The following MBD5 variants were observed in gnomAD, a reference collection of about 807,000 sequenced individuals.
MBD5 encodes methyl-CpG-binding domain protein 5.
Under a neutral mutation model 117.3 loss-of-function variants are expected in MBD5, and 13 were observed. The ratio of observed to expected loss-of-function variants is 0.11; its 90% CI spans 0.07 to 0.18. MBD5 has a LOEUF of 0.18. Ranked by LOEUF, MBD5 falls within the 10% of genes least tolerant of loss-of-function variation. The pLI, the probability that MBD5 is intolerant of heterozygous loss-of-function variation, is 1.00. For synonymous variants in MBD5, 727 were observed against 766.4 expected (o/e 0.95, Z 0.85); for missense variants, 1,879 against 2,093.8 (o/e 0.90, Z 2.00).
intron 4 of MBD5, among the ~76,000 whole-genome samples, chr2:148,433,209 G>C (rs115618614): frequency 0.02 from 3,032 of 152,146 alleles, 111 homozygotes; most frequent in African/African-American, 0.07. Flanking sequence ...TTTGTTCTTC[G>C]ATTTTGTATT....
chr2:148,100,477 G>A (rs528205862), intron 1 of MBD5, among the ~76,000 whole-genome samples: 1 of 152,060 alleles, frequency 6.6e-6, no homozygotes, highest in Non-Finnish European at 1.5e-5. Context: ...CTCACAGATT[G>A]TGGGTCAGAA....
rs1682276631 is a variant in MBD5 at position 148,513,502 on chromosome 2, A to G, written c.*561A>G. The G allele has an allele frequency of 6.3e-6, 1 of 158,190 alleles. No individual in the cohort carries two copies. The highest frequency in any genetic ancestry group is 1.8e-4 in the East Asian group (1 of 5,420). 9.8% of individuals were successfully genotyped at this position (158,190 alleles called of 1,614,324 possible). ...AGATGCTGTTTTTGTATTTAACAGC[A>G]GAGAAAAGGCATGATGATGTAATAT... On this transcript the variant is annotated 3_prime_UTR_variant, in exon 14 of 14. Coordinates refer to ENST00000642680, the MANE Select transcript of MBD5 (RefSeq NM_001378120.1).
At chr2:148,079,873 AACAACAACAACAAC>A (rs756181355) in intron 1 of MBD5, among the ~76,000 whole-genome samples, 7 of 116,402 alleles carry the variant, frequency 6.0e-5, no homozygotes, top group Non-Finnish European at 1.2e-4. Context: ...CAACAACAAC[AACAACAACAACAAC>A]AACAACAACA....
chr2:148,219,562 G>A (rs1466994233), intron 2 of MBD5, among the ~76,000 whole-genome samples: 2 of 152,096 alleles, frequency 1.3e-5, no homozygotes, highest in Non-Finnish European at 2.9e-5. Flanking sequence ...GAGTTGTAAG[G>A]TTAGTGTATG....
chr2:148,436,751 G>T lies in MBD5; in HGVS notation c.-556-21452G>T, dbSNP rs542359314. On this transcript the variant is annotated intron_variant, in intron 4 of 13. Coordinates refer to ENST00000642680, the MANE Select transcript of MBD5 (RefSeq NM_001378120.1). ...TCCAGTTCACAGGAGGTTCTTCAAGGTTTTCCAAATGTTGGCTACAACATT... is the reference window on the plus strand; with the variant it reads ...TCCAGTTCACAGGAGGTTCTTCAAGTTTTTCCAAATGTTGGCTACAACATT... Among the ~76,000 whole-genome samples, 3 of 152,020 alleles carry T rather than the reference G, an allele frequency of 2.0e-5. No individual in the cohort carries two copies. The East Asian group carries it at 5.8e-4, about 29-fold the overall frequency.
chr2:148,053,270 G>C (rs1203223835), intron 1 of MBD5, among the ~76,000 whole-genome samples: 1 of 151,986 alleles, frequency 6.6e-6, no homozygotes, highest in African/African-American at 2.4e-5. Flanking sequence ...ATTATATGAT[G>C]CACTTTTCTT....
At chr2:148,104,155 G>A (rs1273716953) in intron 1 of MBD5, among the ~76,000 whole-genome samples, 1 of 152,104 alleles carries the variant, frequency 6.6e-6, no homozygotes, top group Non-Finnish European at 1.5e-5. Flanking sequence ...CCCTGTGCTT[G>A]CTTCTGTCAT....
Position 148,204,056 on chromosome 2 carries a change from G to GT in MBD5, c.-831+25263_-831+25264insT, listed in dbSNP as rs1214276192. On this transcript the variant is annotated intron_variant, in intron 2 of 13. Coordinates refer to ENST00000642680, the MANE Select transcript of MBD5 (RefSeq NM_001378120.1). ...AACTTTCTTCAGGAAGAAAGAAAAG[G>GT]AGAGAGGGAAAGAATGGGAGAAAAG... 2.6e-5 allele frequency among the ~76,000 whole-genome samples: 4 copies of GT among 152,104 alleles called. No homozygotes were observed. In the East Asian group the frequency reaches 7.7e-4, roughly 29 times the overall value.
chr2:148,399,444 G>A (rs1704844400), intron 4 of MBD5, among the ~76,000 whole-genome samples: 2 of 152,004 alleles, frequency 1.3e-5, no homozygotes, highest in Non-Finnish European at 2.9e-5. Flanking sequence ...TCATGATTTG[G>A]CTCTCTGTTT....
At chr2:148,281,146 C>T (rs1701235575) in intron 3 of MBD5, among the ~76,000 whole-genome samples, 1 of 152,128 alleles carries the variant, frequency 6.6e-6, no homozygotes, top group African/African-American at 2.4e-5. Context: ...CTGGGGATAT[C>T]TTAGACATTA....
At chr2:148,413,869 A>G (rs1186679131) in intron 4 of MBD5, among the ~76,000 whole-genome samples, 2 of 141,590 alleles carry the variant, frequency 1.4e-5, no homozygotes, top group South Asian at 2.2e-4. Flanking sequence ...TTTTTTCTTT[A>G]TTAGTCTAGC....
intron 3 of MBD5, among the ~76,000 whole-genome samples, chr2:148,266,557 A>G (rs1418294424): frequency 6.6e-6 from 1 of 152,108 alleles, no homozygotes; most frequent in African/African-American, 2.4e-5. Flanking sequence ...AAGAAGAGAA[A>G]TAAAAAGATT....
intron 4 of MBD5, among the ~76,000 whole-genome samples, chr2:148,457,209 T>C (rs547570513): frequency 1.3e-5 from 2 of 152,300 alleles, no homozygotes; most frequent in East Asian, 3.9e-4. Flanking sequence ...GTTTGAAATA[T>C]AGTATTTTTT....
At chr2:148,269,485 G>A (rs1700933541) in intron 3 of MBD5, among the ~76,000 whole-genome samples, 1 of 151,598 alleles carries the variant, frequency 6.6e-6, no homozygotes, top group African/African-American at 2.4e-5. Context: ...TTTGAGAACT[G>A]CTTTCCCTAG....
intron 4 of MBD5, among the ~76,000 whole-genome samples, chr2:148,435,470 A>G (rs1380430477): frequency 6.6e-6 from 1 of 152,146 alleles, no homozygotes; most frequent in Admixed American, 6.6e-5. Flanking sequence ...TGCTTGTCTA[A>G]AAAGGATCTT....
At position 148,211,872 on chromosome 2, in the gene MBD5, A is replaced by G. The variant is rs572882514; in HGVS notation, c.-830-21373A>G. 1.4e-3 allele frequency among the ~76,000 whole-genome samples: 212 copies of G among 152,224 alleles called. 2 individuals carry two copies. Among genetic ancestry groups the G allele is most frequent in the African/African-American group, 4.9e-3 (202 of 41,548 alleles). On this transcript the variant is annotated intron_variant, in intron 2 of 13. Transcript: ENST00000642680. ...GCGATGCTCCCACCTCAGCCTCCCA[A>G]GTGGCTGCACTACAGGTGTGTGCCA... is the stretch of plus-strand genomic sequence containing the variant.
chr2:148,431,421 C>T (rs994843316), intron 4 of MBD5, among the ~76,000 whole-genome samples: 1 of 151,980 alleles, frequency 6.6e-6, no homozygotes, highest in Non-Finnish European at 1.5e-5. Context: ...TTGGTGTACA[C>T]GTGCAGGTTT....
In MBD5 at chr2:148,021,284, G is replaced by T. The variant is rs17218767; in HGVS notation, c.-1325G>T. On this transcript the variant is annotated 5_prime_UTR_variant, in exon 1 of 14. Transcript: ENST00000642680. ...CCTCCAGCCCTGAGCCCTGAGAGGG[G>T]GATTGAGCCTGAGAGAGGAGAAGGA... The T allele has an allele frequency of 2.7e-6, 1 of 364,628 alleles. No individual in the cohort carries two copies. Among genetic ancestry groups the T allele is most frequent in the Non-Finnish European group, 5.4e-6 (1 of 184,800 alleles). 22.6% of individuals were successfully genotyped at this position (364,628 alleles called of 1,614,324 possible).
intron 1 of MBD5, among the ~76,000 whole-genome samples, chr2:148,034,559 T>C (rs1363091386): frequency 6.6e-6 from 1 of 152,244 alleles, no homozygotes; most frequent in Admixed American, 6.5e-5. Context: ...GTCACTAACA[T>C]TTATTGAGTA....
Sources: gnomAD v4.1 joint callset for allele counts (sites outside exome capture counted in the v4.1 genomes callset) on GRCh38, gnomAD v4.1.1 for gene constraint, MANE v1.5 for transcripts, NCBI Gene and HGNC (gene_info 2026-07-23, HGNC 2026-07-21) for gene names.